The following SLC26A5 variants were observed in gnomAD, a reference collection of about 807,000 sequenced individuals.
The protein encoded by SLC26A5 is solute carrier family 26 member 5.
Under a neutral mutation model 81.0 loss-of-function variants are expected in SLC26A5, and 51 were observed. The ratio of observed to expected loss-of-function variants is 0.63; its 90% confidence interval spans 0.50 to 0.80. The LOEUF (loss-of-function observed/expected upper bound fraction) is 0.80. Ranked by LOEUF, SLC26A5 falls within the 30% of genes least tolerant of loss-of-function variation. SLC26A5 has a pLI of 0.00. For synonymous variants in SLC26A5, 325 were observed against 332.8 expected, an observed-to-expected ratio of 0.98 and a Z score of 0.25; for missense variants, 771 against 905.8, an observed-to-expected ratio of 0.85 and a Z score of 1.91.
At chr7:103,391,553 T>C in intron 11 of SLC26A5, 69 bp downstream of exon 11, 3 of 1,314,066 alleles carry the variant, frequency 2.3e-6, no homozygotes, top group South Asian at 2.5e-5. Context: ...GGGTTCAGAA[T>C]ATAATCAAAA....
At chr7:103,372,115 A>C (rs1821078636), downstream of SLC26A5, among the ~76,000 whole-genome samples, 1 of 152,246 alleles carries the variant, frequency 6.6e-6, no homozygotes, top group Non-Finnish European at 1.5e-5. Flanking sequence ...GCTCTTTCAG[A>C]AGGCAGTCCG....
intron 2 of SLC26A5, among the ~76,000 whole-genome samples, chr7:103,424,988 C>G (rs1267243446): frequency 6.6e-6 from 1 of 152,126 alleles, no homozygotes; most frequent in East Asian, 1.9e-4. Flanking sequence ...GATTTCAGGG[C>G]AACAGAATGG....
At chr7:103,414,476 C>T (rs1824758291) in intron 4 of SLC26A5, among the ~76,000 whole-genome samples, 1 of 152,140 alleles carries the variant, frequency 6.6e-6, no homozygotes. Context: ...TGTGCCTGGC[C>T]AGTTTGGCCT....
intron 2 of SLC26A5, among the ~76,000 whole-genome samples, chr7:103,438,369 TTTATA>T: frequency 6.6e-6 from 1 of 151,768 alleles, no homozygotes; most frequent in African/African-American, 2.4e-5. Context: ...AAAAAATTTC[TTTATA>T]TTGAGATTTC....
At chr7:103,421,303 A>C in intron 3 of SLC26A5, 60 bp downstream of exon 3, 1 of 1,572,776 alleles carries the variant, frequency 6.4e-7, no homozygotes, top group Non-Finnish European at 8.7e-7. Context: ...TACACATTTG[A>C]CCTTGCGCCT....
intron 8 of SLC26A5, among the ~76,000 whole-genome samples, chr7:103,402,837 T>C (rs555475994): frequency 3.9e-5 from 6 of 152,192 alleles, no homozygotes; most frequent in Non-Finnish European, 7.3e-5. Flanking sequence ...CCTGGATTCA[T>C]TGATTTTTTT....
chr7:103,358,620 A>T (rs1370954300), intron 19 of SLC26A5, among the ~76,000 whole-genome samples: 1 of 151,094 alleles, frequency 6.6e-6, no homozygotes, highest in East Asian at 1.9e-4. Context: ...AGGTAAAAAA[A>T]CTCAGGTTTT....
At chr7:103,388,355 C>T (rs567467262) in intron 14 of SLC26A5, among the ~76,000 whole-genome samples, 1 of 151,910 alleles carries the variant, frequency 6.6e-6, no homozygotes, top group African/African-American at 2.4e-5. Flanking sequence ...TGCCACCAAG[C>T]CTGGCTAATT....
At position 103,353,770 on chromosome 7, in the gene SLC26A5, T is replaced by C. The variant is rs1375307845; in HGVS notation, c.2042-844A>G. The C allele has an allele frequency of 1.5e-5, 10 of 684,432 alleles. No individual in the cohort carries two copies. In the East Asian group the frequency reaches 2.5e-4, roughly 17 times the overall value. The allele number at this position is 684,432 out of a possible 1,614,324, so 42.4% of individuals were successfully genotyped here. A position where few individuals can be genotyped will look rare whatever the true frequency, so the allele number is the denominator to read the frequency against. On this transcript the variant is annotated intron_variant, in intron 19 of 19. Transcript: ENST00000339444. ...AAAATTCCTTGAGTCCAGGAACTAT[T>C]TGATTGAATATGTATCATCATAATC...
intron 8 of SLC26A5, among the ~76,000 whole-genome samples, chr7:103,398,829 C>T (rs1356454200): frequency 6.6e-6 from 1 of 152,116 alleles, no homozygotes; most frequent in African/African-American, 2.4e-5. Context: ...TTATCAGAAA[C>T]AGCAGCCTGG....
chr7:103,355,897 C>A, intron 19 of SLC26A5: 1 of 771,990 alleles, frequency 1.3e-6, no homozygotes, highest in Non-Finnish European at 1.9e-6. Flanking sequence ...ATTTTGATTC[C>A]AAATTCCAAG....
At chr7:103,425,976 C>T (rs1825685987) in intron 2 of SLC26A5, among the ~76,000 whole-genome samples, 2 of 152,156 alleles carry the variant, frequency 1.3e-5, no homozygotes, top group Non-Finnish European at 2.9e-5. Flanking sequence ...AAAACAAACA[C>T]CCTCACCCAC....
At chr7:103,364,954 C>CGTACATAT (rs1486934625) in intron 19 of SLC26A5, among the ~76,000 whole-genome samples, 85 of 38,960 alleles carry the variant, frequency 2.2e-3, no homozygotes, top group Non-Finnish European at 3.1e-3. Flanking sequence ...TGTTTGTAGA[C>CGTACATAT]ATACATATAT....
chr7:103,363,133 T>C (rs1469953848), intron 19 of SLC26A5, among the ~76,000 whole-genome samples: 1 of 152,226 alleles, frequency 6.6e-6, no homozygotes, highest in African/African-American at 2.4e-5. Context: ...AGTCTCAGCC[T>C]GTCTTTATTT....
intron 19 of SLC26A5, chr7:103,353,912 T>G: frequency 1.2e-6 from 2 of 1,602,556 alleles, no homozygotes; most frequent in Non-Finnish European, 1.7e-6. Context: ...ATTGTCTCTC[T>G]TCTTTCAGCT....
intron 8 of SLC26A5, among the ~76,000 whole-genome samples, chr7:103,398,325 C>A (rs1477125030): frequency 1.3e-5 from 2 of 152,142 alleles, no homozygotes; most frequent in African/African-American, 2.4e-5. Context: ...TTGACCTTAC[C>A]TTTAGGGTGG....
chr7:103,356,415 A>G (rs77840707), intron 19 of SLC26A5, among the ~76,000 whole-genome samples: 9,168 of 152,214 alleles, frequency 0.06, 399 homozygotes, highest in African/African-American at 0.12. Context: ...ATAGTTTTAA[A>G]ATCCTGTGAA....
chr7:103,427,141 T>C (rs1825761618), intron 2 of SLC26A5, among the ~76,000 whole-genome samples: 1 of 151,950 alleles, frequency 6.6e-6, no homozygotes, highest in Non-Finnish European at 1.5e-5. Context: ...TGGCGTGATC[T>C]TGGCTCACTG....
intron 19 of SLC26A5, chr7:103,362,279 C>T: frequency 7.1e-7 from 1 of 1,409,670 alleles, no homozygotes; most frequent in Non-Finnish European, 9.2e-7. Context: ...TCGCTGACTC[C>T]CCTACTCCCA....
Sources: allele counts gnomAD v4.1 joint callset (sites outside exome capture counted in the v4.1 genomes callset), GRCh38; gene constraint gnomAD v4.1.1; transcripts MANE v1.5; gene names NCBI Gene and HGNC (gene_info 2026-07-23, HGNC 2026-07-21).